Variants in DENND2C observed in about 807,000 individuals in gnomAD.
The protein encoded by DENND2C is DENN domain containing 2C.
A neutral mutation model predicts 112.4 loss-of-function variants in DENND2C; 72 were observed. That is an observed-to-expected ratio of 0.64 (90% CI 0.53 to 0.78). The LOEUF is 0.78. Ranked by LOEUF, DENND2C falls within the 30% of genes least tolerant of loss-of-function variation. DENND2C has a pLI of 0.00. For synonymous variants in DENND2C, 329 were observed against 381.6 expected (o/e 0.86, Z 1.61); for missense variants, 992 against 1,113.8 (o/e 0.89, Z 1.56).
chr1:114,608,695 G>A lies in DENND2C; in HGVS notation c.1548C>T (p.Phe516=), dbSNP rs200263613. ...ISYIPQVIQQ[F]PGKDDHGYKQ... is the part of the protein sequence containing the mutation. ...GCCTCCTTGTGCCTACCTTGCCAGG[G>A]AATTGTTGTATGACCTGGGGAATAT... Residue 516 remains phenylalanine, a synonymous_variant, in exon 10 of 21, where the codon TTC becomes TTT. Coordinates refer to ENST00000393274, the MANE Select transcript of DENND2C (RefSeq NM_001256404.2). 2.5e-6 allele frequency: 4 copies of A among 1,613,484 alleles called. No individual in the cohort carries two copies. In the African/African-American group the frequency reaches 4.0e-5, roughly 16 times the overall value.
At chr1:114,613,697 T>C (rs768144201) in intron 8 of DENND2C, among the ~76,000 whole-genome samples, 15 of 152,120 alleles carry the variant, frequency 9.9e-5, no homozygotes, top group Non-Finnish European at 1.8e-4. Flanking sequence ...AAAGCCCTTA[T>C]AAAAGATCAC....
rs1378013723 is a variant in DENND2C, at chr1:114,654,773, A to G, written c.-573-12T>C. 6.6e-6 allele frequency: 1 copy of G among 152,040 alleles called. No individual in the cohort carries two copies. Among genetic ancestry groups the G allele is most frequent in the Non-Finnish European group, 1.5e-5 (1 of 68,006 alleles). The allele number at this position is 152,040 out of a possible 1,614,324, so 9.4% of individuals were successfully genotyped here. A position where few individuals can be genotyped will look rare whatever the true frequency, so the allele number is the denominator to read the frequency against. Reference sequence around the variant, plus strand: ...TGTTTCTCTGCCACCTAAAAAAAAAAAAAAAAAAGACAAAGTAGGCAGTCT... The same window carrying G: ...TGTTTCTCTGCCACCTAAAAAAAAAGAAAAAAAAGACAAAGTAGGCAGTCT... On this transcript the variant is annotated splice_polypyrimidine_tract_variant and intron_variant, in intron 1 of 20. Transcript: ENST00000393274.
intron 1 of DENND2C, among the ~76,000 whole-genome samples, chr1:114,662,975 G>T: frequency 6.6e-6 from 1 of 151,414 alleles, no homozygotes; most frequent in African/African-American, 2.4e-5. Context: ...GGAAAAGGAA[G>T]AAGGAAGAGG....
chr1:114,652,961 CAT>C (rs1657211643), intron 2 of DENND2C, among the ~76,000 whole-genome samples: 1 of 152,042 alleles, frequency 6.6e-6, no homozygotes, highest in Non-Finnish European at 1.5e-5. Flanking sequence ...AAAAAAAGTC[CAT>C]ACGTGTTCAG....
chr1:114,612,588 C>T (rs916101675), intron 8 of DENND2C, among the ~76,000 whole-genome samples: 2 of 150,560 alleles, frequency 1.3e-5, no homozygotes, highest in Non-Finnish European at 3.0e-5. Flanking sequence ...GGCACAATCT[C>T]GGCTCACTAC....
intron 20 of DENND2C, chr1:114,586,726 T>A (rs1655049565): frequency 6.6e-6 from 1 of 150,986 alleles, no homozygotes; most frequent in Admixed American, 6.6e-5. Flanking sequence ...TATTTTTATT[T>A]ATTTTTTTAA....
At chr1:114,663,334 C>G (rs1657551032) in intron 1 of DENND2C, among the ~76,000 whole-genome samples, 1 of 152,182 alleles carries the variant, frequency 6.6e-6, no homozygotes. Flanking sequence ...GTAAAGAACA[C>G]TGAATATCAA....
intron 10 of DENND2C, among the ~76,000 whole-genome samples, chr1:114,605,754 T>C (rs1655642157): frequency 6.6e-6 from 1 of 152,172 alleles, no homozygotes. Flanking sequence ...TGATTGCGCC[T>C]TGTACTCGAG....
chr1:114,627,112 A>T (rs554806884), intron 3 of DENND2C, among the ~76,000 whole-genome samples: 1 of 152,174 alleles, frequency 6.6e-6, no homozygotes, highest in Non-Finnish European at 1.5e-5. Context: ...TGACGACTGG[A>T]CTTCCCACAT....
chr1:114,609,754 T>A (rs970980439), intron 9 of DENND2C, among the ~76,000 whole-genome samples: 2 of 152,218 alleles, frequency 1.3e-5, no homozygotes, highest in African/African-American at 4.8e-5. Context: ...ATACAATGCA[T>A]TCTGTCCCAA....
chr1:114,626,008 GT>G lies in DENND2C; in HGVS notation c.-25del. 2.5e-6 allele frequency: 4 copies of G among 1,577,846 alleles called. No individual in the cohort carries two copies. Among genetic ancestry groups the G allele is most frequent in the Non-Finnish European group, 3.4e-6 (4 of 1,159,980 alleles). On this transcript the variant is annotated 5_prime_UTR_variant, in exon 4 of 21. Transcript: ENST00000393274. ...ATGTTCCCAACTGGGTGAATGACAA[GT>G]GATGAATCTTACAAAGGTTCCATTA...
intron 3 of DENND2C, among the ~76,000 whole-genome samples, chr1:114,636,337 G>GTC (rs1268265608): frequency 2.6e-5 from 4 of 152,150 alleles, no homozygotes; most frequent in African/African-American, 9.7e-5. Context: ...AGGCAAGGAT[G>GTC]TCTCCTCTTA....
At chr1:114,631,185 G>C (rs571860325) in intron 3 of DENND2C, among the ~76,000 whole-genome samples, 1 of 151,774 alleles carries the variant, frequency 6.6e-6, no homozygotes, top group East Asian at 2.0e-4. Flanking sequence ...AGACCAGTCT[G>C]GCAAACATGG....
At chr1:114,661,680 C>G (rs888546951) in intron 1 of DENND2C, among the ~76,000 whole-genome samples, 5 of 152,270 alleles carry the variant, frequency 3.3e-5, no homozygotes, top group Admixed American at 6.5e-5. Context: ...CATTGAAAGT[C>G]TTAATAGTTT....
At chr1:114,658,050 C>G (rs1249124885) in intron 1 of DENND2C, among the ~76,000 whole-genome samples, 1 of 152,112 alleles carries the variant, frequency 6.6e-6, no homozygotes, top group Non-Finnish European at 1.5e-5. Flanking sequence ...GGTTTAGGGG[C>G]TATACACTGA....
intron 3 of DENND2C, among the ~76,000 whole-genome samples, chr1:114,641,260 CA>C (rs11316853): frequency 0.71 from 70,450 of 98,800 alleles, 22,503 homozygotes; most frequent in African/African-American, 0.79. Flanking sequence ...GATCCTTTCT[CA>C]AAAAAAAAAA....
At position 114,585,060 on chromosome 1, in the gene DENND2C, GATATA is replaced by G. The variant is rs1437480241; in HGVS notation, c.*535_*539del. On this transcript the variant is annotated 3_prime_UTR_variant, in exon 21 of 21. Transcript: ENST00000393274. ...CTTCCTCCTAAGTGAGATTCCCCTA[GATATA>G]ATATAAGGCAAAACAATGGAGATAT... 2.0e-5 allele frequency: 3 copies of G among 152,332 alleles called. No individual in the cohort carries two copies. The highest frequency in any genetic ancestry group is 2.0e-4 in the Admixed American group (3 of 15,292). The allele number at this position is 152,332 out of a possible 1,614,324, so 9.4% of individuals were successfully genotyped here. A position where few individuals can be genotyped will look rare whatever the true frequency, so the allele number is the denominator to read the frequency against.
chr1:114,602,587 C>CA (rs1178955145), intron 11 of DENND2C, among the ~76,000 whole-genome samples: 2 of 152,174 alleles, frequency 1.3e-5, no homozygotes, highest in African/African-American at 4.8e-5. Context: ...TTTTTTAAGA[C>CA]AGTCTCACTC....
At chr1:114,656,792 C>G (rs538658722) in intron 1 of DENND2C, among the ~76,000 whole-genome samples, 1 of 151,888 alleles carries the variant, frequency 6.6e-6, no homozygotes, top group African/African-American at 2.4e-5. Context: ...GGCATATGTT[C>G]TGGGGCTGGA....
Sources: allele counts gnomAD v4.1 joint callset (sites outside exome capture counted in the v4.1 genomes callset), GRCh38; gene constraint gnomAD v4.1.1; transcripts MANE v1.5; gene names NCBI Gene and HGNC (gene_info 2026-07-23, HGNC 2026-07-21).